Variants in ANKRD31 observed in about 807,000 individuals in gnomAD.
The protein encoded by ANKRD31 is ankyrin repeat domain-containing protein 31.
A neutral mutation model predicts 186.0 loss-of-function variants in ANKRD31; 147 were observed. The observed-to-expected ratio is 0.79, with a 90% confidence interval of 0.69 to 0.91. ANKRD31 has a LOEUF of 0.91. Ranked by LOEUF, ANKRD31 falls within the 40% of genes least tolerant of loss-of-function variation. ANKRD31 has a pLI of 0.00. For synonymous variants in ANKRD31, 673 were observed against 736.4 expected (o/e 0.91, Z 1.39); for missense variants, 1,986 against 2,148.8 (o/e 0.92, Z 1.50).
intron 7 of ANKRD31, among the ~76,000 whole-genome samples, chr5:75,194,257 A>G (rs1755308016): frequency 1.3e-5 from 2 of 152,116 alleles, no homozygotes; most frequent in Non-Finnish European, 2.9e-5. Context: ...TCTTCTAAGT[A>G]AGTCTCCTTT....
At position 75,178,596 on chromosome 5, in the gene ANKRD31, G is replaced by A. The variant is rs184443892; in HGVS notation, c.1565-9475C>T. On this transcript the variant is annotated intron_variant, in intron 10 of 25. Coordinates refer to ENST00000506364, the MANE Select transcript of ANKRD31 (RefSeq NM_001372053.1). The stretch of plus-strand genomic sequence containing the variant: ...TTAAGAAACTCACTCAAAACTGCTC[G>A]ACTACATGGAAACTGAACAACCTGC... Among the ~76,000 whole-genome samples the A allele has an allele frequency of 9.2e-4, 139 of 151,738 alleles. 2 individuals carry two copies. In the East Asian group the frequency reaches 0.013, roughly 14 times the overall value.
At chr5:75,130,577 T>C (rs939166622) in intron 17 of ANKRD31, among the ~76,000 whole-genome samples, 2 of 152,042 alleles carry the variant, frequency 1.3e-5, no homozygotes, top group East Asian at 1.9e-4. Flanking sequence ...AGAGCGCTGA[T>C]TGGTGCATTT....
intron 22 of ANKRD31, among the ~76,000 whole-genome samples, chr5:75,103,606 C>T (rs924201397): frequency 1.3e-5 from 2 of 152,132 alleles, no homozygotes; most frequent in African/African-American, 4.8e-5. Context: ...ACCCAAATGC[C>T]CATTGATGAT....
intron 10 of ANKRD31, among the ~76,000 whole-genome samples, chr5:75,187,113 TGTGTG>T (rs1754784793): frequency 1.0e-5 from 1 of 100,266 alleles, no homozygotes; most frequent in African/African-American, 3.3e-5. Context: ...TTCTGTTTTG[TGTGTG>T]TGTGTGTGTG....
chr5:75,093,047 A>C (rs982130581), intron 22 of ANKRD31, among the ~76,000 whole-genome samples: 2 of 152,206 alleles, frequency 1.3e-5, no homozygotes, highest in African/African-American at 4.8e-5. Flanking sequence ...ATTGATACAG[A>C]GTATGCAAGA....
intron 17 of ANKRD31, among the ~76,000 whole-genome samples, chr5:75,122,628 T>C (rs756561895): frequency 5.9e-5 from 9 of 152,016 alleles, no homozygotes; most frequent in Non-Finnish European, 1.3e-4. Context: ...TGGCTCAACA[T>C]ATACAAACCA....
chr5:75,183,756 G>A (rs1243305041), intron 10 of ANKRD31, among the ~76,000 whole-genome samples: 2 of 152,106 alleles, frequency 1.3e-5, no homozygotes, highest in African/African-American at 4.8e-5. Flanking sequence ...GAAACAGATT[G>A]AAGAGGACAC....
intron 15 of ANKRD31, among the ~76,000 whole-genome samples, chr5:75,140,175 G>C (rs1193222932): frequency 2.0e-5 from 3 of 150,958 alleles, no homozygotes; most frequent in Admixed American, 6.6e-5. Flanking sequence ...CTGCACTCCA[G>C]CCTGGGCAAC....
At chr5:75,195,407 C>T (rs973052788) in intron 7 of ANKRD31, among the ~76,000 whole-genome samples, 1 of 151,702 alleles carries the variant, frequency 6.6e-6, no homozygotes, top group Non-Finnish European at 1.5e-5. Context: ...CTAGGAACTT[C>T]TAAAAAGATC....
intron 17 of ANKRD31, among the ~76,000 whole-genome samples, chr5:75,122,111 A>C (rs1748840310): frequency 6.6e-6 from 1 of 152,112 alleles, no homozygotes; most frequent in Admixed American, 6.5e-5. Context: ...AAACATAATG[A>C]GAAATGAAGA....
At chr5:75,165,226 C>G (rs1331839700) in intron 11 of ANKRD31, among the ~76,000 whole-genome samples, 2 of 152,044 alleles carry the variant, frequency 1.3e-5, no homozygotes, top group Admixed American at 6.6e-5. Context: ...ACTGCTTGTC[C>G]CAAGCATTGC....
intron 20 of ANKRD31, among the ~76,000 whole-genome samples, 199 bp downstream of exon 20, chr5:75,112,314 A>G (rs1747854158): frequency 6.6e-6 from 1 of 152,158 alleles, no homozygotes; most frequent in Admixed American, 6.6e-5. Context: ...TTTAGCTATC[A>G]TTACAAGTCT....
At chr5:75,103,088 A>AT (rs944211440) in intron 22 of ANKRD31, among the ~76,000 whole-genome samples, 1 of 152,114 alleles carries the variant, frequency 6.6e-6, no homozygotes, top group Non-Finnish European at 1.5e-5. Flanking sequence ...TCTTGAGTTA[A>AT]TTTTTGTATA....
chr5:75,143,544 T>A (rs541415190), intron 15 of ANKRD31, among the ~76,000 whole-genome samples: 2 of 152,280 alleles, frequency 1.3e-5, no homozygotes, highest in South Asian at 4.1e-4. Flanking sequence ...AGCCTATTGT[T>A]TATGACAGAA....
chr5:75,181,652 C>T (rs1029469314), intron 10 of ANKRD31, among the ~76,000 whole-genome samples: 3 of 147,042 alleles, frequency 2.0e-5, no homozygotes, highest in African/African-American at 7.6e-5. Context: ...CCAAACACCG[C>T]ATGTTCTCAC....
At chr5:75,179,851 C>T (rs911245326) in intron 10 of ANKRD31, among the ~76,000 whole-genome samples, 34 of 152,124 alleles carry the variant, frequency 2.2e-4, no homozygotes, top group Admixed American at 5.2e-4. Context: ...CTCACCACTC[C>T]TATTCAACAT....
intron 11 of ANKRD31, among the ~76,000 whole-genome samples, chr5:75,161,859 G>A (rs184395864): frequency 4.6e-5 from 7 of 152,344 alleles, no homozygotes; most frequent in South Asian, 2.1e-4. Flanking sequence ...GCTTCCACGT[G>A]GTGTTGAGCC....
intron 3 of ANKRD31, among the ~76,000 whole-genome samples, chr5:75,220,635 T>A: frequency 1.7e-5 from 2 of 116,308 alleles, no homozygotes; most frequent in Non-Finnish European, 3.3e-5. Context: ...AGAGCAAAAC[T>A]CCGTCTCAAA....
At chr5:75,162,349 G>A (rs1190932829) in intron 11 of ANKRD31, among the ~76,000 whole-genome samples, 3 of 152,136 alleles carry the variant, frequency 2.0e-5, no homozygotes, top group African/African-American at 4.8e-5. Flanking sequence ...ACTTGCATAG[G>A]GCCTGTAGCC....
Sources: gnomAD v4.1 joint callset for allele counts (sites outside exome capture counted in the v4.1 genomes callset) on GRCh38, gnomAD v4.1.1 for gene constraint, MANE v1.5 for transcripts, NCBI Gene and HGNC (gene_info 2026-07-23, HGNC 2026-07-21) for gene names.